GNPTAB: variants seen among roughly 807,000 people sequenced by gnomAD.
The protein encoded by GNPTAB is N-acetylglucosamine-1-phosphotransferase subunits alpha/beta.
In GNPTAB, 92 loss-of-function variants were observed where a neutral mutation model predicts 136.6. The observed-to-expected ratio is 0.67, with a 90% CI of 0.57 to 0.80. The LOEUF is 0.80. Among genes scored for constraint, GNPTAB ranks in the 30% least tolerant of loss-of-function variants. GNPTAB has a pLI of 0.00. For missense variants in GNPTAB, 1,343 were observed against 1,501.8 expected (o/e 0.89, Z 1.75); for synonymous variants, 512 against 535.1 (o/e 0.96, Z 0.60).
chr12:101,751,117 C>T (rs1952811161), intron 19 of GNPTAB, among the ~76,000 whole-genome samples: 1 of 152,190 alleles, frequency 6.6e-6, no homozygotes. Flanking sequence ...GGTCCATTCT[C>T]AAAAGAAAAA....
intron 1 of GNPTAB, among the ~76,000 whole-genome samples, chr12:101,813,420 G>A (rs939516147): frequency 1.1e-4 from 16 of 152,106 alleles, no homozygotes; most frequent in African/African-American, 3.9e-4. Flanking sequence ...TGGGTAGGGT[G>A]CTACATTTAG....
chr12:101,759,040 C>T (rs1487023994), intron 16 of GNPTAB, among the ~76,000 whole-genome samples: 2 of 152,138 alleles, frequency 1.3e-5, no homozygotes, highest in Admixed American at 6.5e-5. Context: ...TATGGTAGTA[C>T]CCATTATTTT....
intron 1 of GNPTAB, among the ~76,000 whole-genome samples, chr12:101,797,546 C>T (rs968034370): frequency 7.9e-5 from 12 of 152,236 alleles, no homozygotes; most frequent in Admixed American, 4.6e-4. Flanking sequence ...ATTGCTTGAA[C>T]CTGGGAGGCA....
At chr12:101,796,623 T>C in intron 2 of GNPTAB, 54 bp downstream of exon 2, 1 of 1,191,880 alleles carries the variant, frequency 8.4e-7, no homozygotes, top group East Asian at 2.3e-5. Flanking sequence ...GGATGGCTAT[T>C]TCATGACTTA....
chr12:101,763,221 C>CAAAA (rs754822672), intron 13 of GNPTAB, among the ~76,000 whole-genome samples: 1 of 59,892 alleles, frequency 1.7e-5, no homozygotes, highest in African/African-American at 6.4e-5. Flanking sequence ...AACTCCATCT[C>CAAAA]AAAAAAAAAA....
rs755156585 is a variant in GNPTAB at position 101,790,046 on chromosome 12, G to A, written c.215C>T (p.Pro72Leu). The change falls in exon 3 of 21, where the codon CCC (proline) becomes CTC (leucine). Residue 72 changes from proline (P) to leucine (L), a missense_variant. By Grantham distance (98) the Pro-to-Leu change is moderately conservative. Coordinates refer to ENST00000299314, the MANE Select transcript of GNPTAB (RefSeq NM_024312.5). ...GKSFQNRLCL[P>L]MPIDVVYTWV... ...GGTGTAAACAACGTCAATCGGCATG[G>A]GCAGACAAAGCCTAGGGCAAACCAA... 4.3e-6 allele frequency: 7 copies of A among 1,613,962 alleles called. No homozygotes were observed. Among genetic ancestry groups the A allele is most frequent in the African/African-American group, 4.0e-5 (3 of 74,900 alleles).
In GNPTAB at chr12:101,765,129, T is replaced by C; in HGVS notation, c.1788A>G (p.Lys596=). The C allele has an allele frequency of 6.2e-7, 1 of 1,614,190 alleles. No individual in the cohort carries two copies. The highest frequency in any genetic ancestry group is 1.3e-5 in the African/African-American group (1 of 75,048). ...IRHASIANKW[K]TIHLIMHSGM... is the part of the protein sequence containing the mutation. Reference sequence around the variant, plus strand: ...CACTGTGCATTATGAGGTGGATGGTTTTCCACTTGTTGGCAATAGAAGCAT... The same window carrying C: ...CACTGTGCATTATGAGGTGGATGGTCTTCCACTTGTTGGCAATAGAAGCAT... The change falls in exon 13 of 21, where the codon AAA becomes AAG. Residue 596 remains lysine (K), a synonymous_variant. Transcript: ENST00000299314.
At chr12:101,803,488 T>C (rs1328942260) in intron 1 of GNPTAB, among the ~76,000 whole-genome samples, 1 of 152,186 alleles carries the variant, frequency 6.6e-6, no homozygotes, top group Non-Finnish European at 1.5e-5. Flanking sequence ...TCAATGGTTA[T>C]TAACACAGGA....
Position 101,764,381 on chromosome 12 carries a change from T to A in GNPTAB, c.2536A>T (p.Met846Leu). The A allele has an allele frequency of 6.2e-7, 1 of 1,613,990 alleles. No individual in the cohort carries two copies. Among genetic ancestry groups the A allele is most frequent in the South Asian group, 1.1e-5 (1 of 91,082 alleles). The change falls in exon 13 of 21, where the codon ATG (methionine) becomes TTG (leucine). Residue 846 changes from methionine to leucine, a missense_variant. Coordinates refer to ENST00000299314, the MANE Select transcript of GNPTAB (RefSeq NM_024312.5). ...PSLIVPLESQ[M>L]TKEKKITGKE... The stretch of plus-strand genomic sequence containing the variant: ...CCTGTGATTTTCTTTTCTTTTGTCA[T>A]CTGGCTTTCCAGTGGAACAATCAGA...
At chr12:101,786,271 A>T in intron 4 of GNPTAB, 54 bp from the exon 5 acceptor site, 3 of 1,404,998 alleles carry the variant, frequency 2.1e-6, no homozygotes, top group Non-Finnish European at 3.0e-6. Context: ...TTAATCAGCA[A>T]TGAGAAGCTT....
chr12:101,801,608 A>G (rs1474159784), intron 1 of GNPTAB, among the ~76,000 whole-genome samples: 1 of 150,850 alleles, frequency 6.6e-6, no homozygotes, highest in Non-Finnish European at 1.5e-5. Context: ...TTAAGGACCC[A>G]AACTCCTTCC....
At chr12:101,771,183 A>G in intron 7 of GNPTAB, 26 bp from the exon 8 acceptor site, 1 of 1,596,498 alleles carries the variant, frequency 6.3e-7, no homozygotes, top group African/African-American at 1.3e-5. Context: ...AGGATTACAC[A>G]TGAAAAGACT....
At chr12:101,768,563 C>T (rs1953127891) in intron 10 of GNPTAB, among the ~76,000 whole-genome samples, 1 of 152,158 alleles carries the variant, frequency 6.6e-6, no homozygotes. Context: ...ATCAGTAGCT[C>T]ATTAGTGTAT....
chr12:101,766,132 T>C lies in GNPTAB; in HGVS notation c.1571A>G (p.Asn524Ser). 1 of 1,614,128 alleles carries C rather than the reference T, an allele frequency of 6.2e-7. No homozygotes were observed. Among genetic ancestry groups the C allele is most frequent in the Non-Finnish European group, 8.5e-7 (1 of 1,180,000 alleles). ...AGCATCAAACCCACAGGACAAGACA[T>C]TGCATGCTTGGTCACAGAACTTATC... The part of the protein sequence containing the change: ...LADKFCDQAC[N>S]VLSCGFDAGD... The change falls in exon 12 of 21, where the codon AAT becomes AGT. Residue 524 changes from asparagine to serine, a missense_variant. Asn to Ser is a conservative substitution (Grantham distance 46, BLOSUM62 1). Coordinates refer to ENST00000299314, the MANE Select transcript of GNPTAB (RefSeq NM_024312.5).
At chr12:101,822,723 T>C (rs1039787240) in intron 1 of GNPTAB, among the ~76,000 whole-genome samples, 2 of 152,188 alleles carry the variant, frequency 1.3e-5, no homozygotes, top group Non-Finnish European at 2.9e-5. Flanking sequence ...AGACTCTAAT[T>C]GCTGAATTCA....
Position 101,759,403 on chromosome 12 carries a change from C to A in GNPTAB, c.3249+627G>T, listed in dbSNP as rs1325116949. ...AAAAAGATTACTTTGTGAAAAAGAG[C>A]CCTGAAAATAAAGCTTAAAAAAAAA... On this transcript the variant is annotated intron_variant, in intron 16 of 20. Transcript: ENST00000299314. Among the ~76,000 whole-genome samples, 5 of 143,896 alleles carry A rather than the reference C, an allele frequency of 3.5e-5. 1 individual carries two copies. The highest frequency in any genetic ancestry group is 1.0e-4 in the African/African-American group (4 of 38,814). The allele number at this position is 143,896 out of a possible 152,430, so 94.4% of individuals were successfully genotyped here. A position where few individuals can be genotyped will look rare whatever the true frequency, so the allele number is the denominator to read the frequency against.
At position 101,824,430 on chromosome 12, in the gene GNPTAB, A is replaced by T. The variant is rs1474312678; in HGVS notation, c.117+6129T>A. Among the ~76,000 whole-genome samples the T allele has an allele frequency of 4.6e-3, 363 of 78,814 alleles. 6 individuals are homozygous for T. Among genetic ancestry groups the T allele is most frequent in the African/African-American group, 0.016 (316 of 20,066 alleles). 51.7% of individuals were successfully genotyped at this position (78,814 alleles called of 152,430 possible). On this transcript the variant is annotated intron_variant, in intron 1 of 20. Transcript: ENST00000299314. ...CATATATATATATATATATATATATATATTTTCTTTTTTTTTTTTTTTTTT... is the reference window on the plus strand; with the variant it reads ...CATATATATATATATATATATATATTTATTTTCTTTTTTTTTTTTTTTTTT...
At chr12:101,768,631 G>A (rs1281223659) in intron 10 of GNPTAB, among the ~76,000 whole-genome samples, 2 of 151,996 alleles carry the variant, frequency 1.3e-5, no homozygotes, top group African/African-American at 4.8e-5. Context: ...CAAGCTTAAG[G>A]CCCTGTGATA....
At chr12:101,787,452 T>C (rs1175743869) in intron 4 of GNPTAB, among the ~76,000 whole-genome samples, 4 of 152,202 alleles carry the variant, frequency 2.6e-5, no homozygotes, top group South Asian at 4.1e-4. Context: ...AGTTGTTAAA[T>C]AAGATTTATA....
Sources: allele counts gnomAD v4.1 joint callset (sites outside exome capture counted in the v4.1 genomes callset), GRCh38; gene constraint gnomAD v4.1.1; transcripts MANE v1.5; gene names NCBI Gene and HGNC (gene_info 2026-07-23, HGNC 2026-07-21).